The following PCDHGA6 variants were observed in gnomAD, a reference collection of about 807,000 sequenced individuals.
The protein encoded by PCDHGA6 is protocadherin gamma subfamily A, 6, also known as protocadherin gamma-A6.
A neutral mutation model predicts 60.6 loss-of-function variants in PCDHGA6; 41 were observed. The observed-to-expected ratio is 0.68, with a 90% CI of 0.53 to 0.88. PCDHGA6 has a LOEUF of 0.88. Ranked by LOEUF, PCDHGA6 falls within the 40% of genes least tolerant of loss-of-function variation. PCDHGA6 has a pLI of 0.00. For missense variants in PCDHGA6, 1,312 were observed against 1,203.0 expected (o/e 1.09, Z -1.34); for synonymous variants, 594 against 524.4 (o/e 1.13, Z -1.81).
rs1425295626 is a variant in PCDHGA6 at position 141,477,940 on chromosome 5, C to T, written c.2425-16867C>T. On this transcript the variant is annotated intron_variant, in intron 1 of 3. Coordinates refer to ENST00000517434, the MANE Select transcript of PCDHGA6 (RefSeq NM_018919.3). This position sits in a 1 kb window ranked among gnomAD's most constrained non-coding sequence, Gnocchi z 4.9. ...CAGGGCACAATGCCTGGCTCTCCTA[C>T]AGTCTCTTGGGATCCCCTAACCAGA... The T allele has an allele frequency of 6.2e-7, 1 of 1,614,178 alleles. No homozygotes were observed. Among genetic ancestry groups the T allele is most frequent in the South Asian group, 1.1e-5 (1 of 91,084 alleles).
At chr5:141,381,416 C>G (rs995030864) in intron 1 of PCDHGA6, among the ~76,000 whole-genome samples, 10 of 152,236 alleles carry the variant, frequency 6.6e-5, no homozygotes, top group African/African-American at 2.2e-4. Context: ...AGTGGAGAGA[C>G]GAGTACCTCT....
chr5:141,461,560 T>G (rs1355320881), intron 1 of PCDHGA6, among the ~76,000 whole-genome samples: 1 of 152,234 alleles, frequency 6.6e-6, no homozygotes, highest in African/African-American at 2.4e-5. Context: ...ATGTGTACTT[T>G]GCAAAGATAA....
intron 1 of PCDHGA6, chr5:141,383,852 A>G (rs1162643765): frequency 1.9e-6 from 3 of 1,613,966 alleles, no homozygotes; most frequent in East Asian, 4.5e-5. Context: ...TATGAAATGG[A>G]GGTTCAGGCT....
At chr5:141,461,291 C>A (rs892436619) in intron 1 of PCDHGA6, among the ~76,000 whole-genome samples, 1 of 152,128 alleles carries the variant, frequency 6.6e-6, no homozygotes, top group African/African-American at 2.4e-5. Flanking sequence ...CACATCCACA[C>A]CAACATCTAT....
Position 141,486,862 on chromosome 5 carries a change from A to G in PCDHGA6, c.2425-7945A>G. The G allele has an allele frequency of 6.2e-7, 1 of 1,614,256 alleles. No individual in the cohort carries two copies. The highest frequency in any genetic ancestry group is 1.3e-5 in the African/African-American group (1 of 75,078). On this transcript the variant is annotated intron_variant, in intron 1 of 3. Transcript: ENST00000517434. This position sits in a 1 kb window ranked among gnomAD's most constrained non-coding sequence, Gnocchi z 5.0. Reference sequence around the variant, plus strand: ...TGCTGGACCTCAATGACAATGCTCCAGCTGTGCTCCGTCCTCGGGCCCGGC... The same window carrying G: ...TGCTGGACCTCAATGACAATGCTCCGGCTGTGCTCCGTCCTCGGGCCCGGC...
chr5:141,382,992 T>G, intron 1 of PCDHGA6: 2 of 1,613,578 alleles, frequency 1.2e-6, no homozygotes, highest in Non-Finnish European at 1.7e-6. Context: ...CAGGACGTAT[T>G]CTCTACTCCG....
In PCDHGA6 at chr5:141,485,990, C is replaced by T. The variant is rs1285988124; in HGVS notation, c.2425-8817C>T. 2.5e-6 allele frequency: 4 copies of T among 1,614,168 alleles called. No homozygotes were observed. The stretch of plus-strand genomic sequence containing the variant: ...CAATGCCTCAGACCCGGACCTGGGT[C>T]CCAGTGGTAACGTCACCTTTTATTT... On this transcript the variant is annotated intron_variant, in intron 1 of 3. Coordinates refer to ENST00000517434, the MANE Select transcript of PCDHGA6 (RefSeq NM_018919.3). This position sits in a 1 kb window ranked among gnomAD's most constrained non-coding sequence, Gnocchi z 5.7.
rs1483627086 is a variant in PCDHGA6 at position 141,375,707 on chromosome 5, C to T, written c.1624C>T (p.Leu542Phe). ...AGCCAGCGACAGCGGGGACCCGCCT[C>T]TTAGCAGCAACGTGTCACTGAGCCT... is the stretch of plus-strand genomic sequence containing the variant. ...VTASDSGDPPLSSNVSLSLFV... is the reference protein window; with the variant it reads ...VTASDSGDPPFSSNVSLSLFV... The change falls in exon 1 of 4, where the codon CTT becomes TTT. Residue 542 changes from leucine (L) to phenylalanine (F), a missense_variant. By Grantham distance (22) the Leu-to-Phe change is conservative (BLOSUM62 0). Transcript: ENST00000517434. 17 of 1,614,146 alleles carry T rather than the reference C, an allele frequency of 1.1e-5. No homozygotes were observed. The highest frequency in any genetic ancestry group is 1.3e-5 in the Non-Finnish European group (15 of 1,180,052).
intron 2 of PCDHGA6, among the ~76,000 whole-genome samples, chr5:141,503,072 C>T (rs2099817948): frequency 6.6e-6 from 1 of 151,728 alleles, no homozygotes; most frequent in Non-Finnish European, 1.5e-5. Flanking sequence ...TCAGAATGGT[C>T]TCGATCTCCT....
intron 1 of PCDHGA6, chr5:141,376,827 C>T (rs954435109): frequency 2.9e-5 from 8 of 271,594 alleles, no homozygotes; most frequent in Middle Eastern, 1.2e-3. Flanking sequence ...GCTGGGACTA[C>T]AGGCGCCCGC....
intron 1 of PCDHGA6, among the ~76,000 whole-genome samples, chr5:141,456,940 G>A (rs1284610928): frequency 6.6e-6 from 1 of 152,138 alleles, no homozygotes; most frequent in Non-Finnish European, 1.5e-5. Context: ...TCCAGCCTGG[G>A]CAACAGAGCA....
chr5:141,462,682 G>T (rs560423384), intron 1 of PCDHGA6, among the ~76,000 whole-genome samples: 2 of 151,790 alleles, frequency 1.3e-5, no homozygotes, highest in Non-Finnish European at 2.9e-5. Context: ...TTAAATTTTT[G>T]AGCACATTTA....
chr5:141,479,941 T>C (rs983830280), intron 1 of PCDHGA6, among the ~76,000 whole-genome samples: 2 of 152,194 alleles, frequency 1.3e-5, no homozygotes, highest in Admixed American at 6.5e-5. Context: ...TGCTATCAAC[T>C]CTTGGATTTG....
At chr5:141,501,883 G>A (rs1204174131) in intron 2 of PCDHGA6, among the ~76,000 whole-genome samples, 1 of 152,022 alleles carries the variant, frequency 6.6e-6, no homozygotes, top group African/African-American at 2.4e-5. Flanking sequence ...TTACACTCCT[G>A]ATCATCATGG....
chr5:141,404,300 C>T (rs749132060), intron 1 of PCDHGA6: 3 of 1,613,862 alleles, frequency 1.9e-6, no homozygotes, highest in South Asian at 2.2e-5. Flanking sequence ...TGATAATCCA[C>T]CTGCTTTCTC....
In PCDHGA6 at chr5:141,432,598, G is replaced by A; in HGVS notation, c.2424+56091G>A. The A allele has an allele frequency of 6.2e-7, 1 of 1,613,920 alleles. No individual in the cohort carries two copies. The highest frequency in any genetic ancestry group is 8.5e-7 in the Non-Finnish European group (1 of 1,179,972). On this transcript the variant is annotated intron_variant, in intron 1 of 3. Transcript: ENST00000517434. The surrounding 1 kb of genome is among the most constrained non-coding windows in gnomAD (Gnocchi z 6.0). ...CCTACCGTCTGCTCAAGGCCAGCGA[G>A]CCGGGACTCTTCTCGGTGGGTCTGC...
chr5:141,399,627 CG>C (rs2093851448), intron 1 of PCDHGA6: 1 of 1,613,906 alleles, frequency 6.2e-7, no homozygotes, highest in Non-Finnish European at 8.5e-7. Context: ...TGGCCTCTTA[CG>C]TGTCCATGAG....
intron 1 of PCDHGA6, among the ~76,000 whole-genome samples, chr5:141,470,717 A>G (rs1353989037): frequency 6.6e-6 from 1 of 152,010 alleles, no homozygotes; most frequent in Non-Finnish European, 1.5e-5. Flanking sequence ...TATTTTTTTG[A>G]GTCAGGGTCT....
intron 2 of PCDHGA6, among the ~76,000 whole-genome samples, chr5:141,502,135 G>A (rs1254187943): frequency 6.6e-6 from 1 of 152,154 alleles, no homozygotes; most frequent in East Asian, 1.9e-4. Context: ...GAGCTCAGTC[G>A]GGCCGGAAGT....
Sources: allele counts gnomAD v4.1 joint callset (sites outside exome capture counted in the v4.1 genomes callset), GRCh38; gene constraint gnomAD v4.1.1; non-coding constraint Gnocchi (gnomAD v3.1); transcripts MANE v1.5; gene names NCBI Gene and HGNC (gene_info 2026-07-23, HGNC 2026-07-21).